COL1A2: variants seen among roughly 807,000 people sequenced by gnomAD.
COL1A2 encodes the protein collagen alpha-2(I) chain.
In COL1A2, 49 loss-of-function variants were observed where a neutral mutation model predicts 174.3. That is an observed-to-expected ratio of 0.28 (90% confidence interval 0.22 to 0.36). The LOEUF (loss-of-function observed/expected upper bound fraction) is 0.36. Among genes scored for constraint, COL1A2 ranks in the 10% least tolerant of loss-of-function variants. The probability of loss-of-function intolerance (pLI) is 1.00; values close to 1 mark genes in which losing one functional copy is unlikely to be tolerated. For synonymous variants in COL1A2, 655 were observed against 606.6 expected, an observed-to-expected ratio of 1.08 and a Z score of -1.17; for missense variants, 1,438 against 1,822.7, an observed-to-expected ratio of 0.79 and a Z score of 3.84.
Position 94,430,456 on chromosome 7 carries a change from C to T in COL1A2, c.*63C>T, listed in dbSNP as rs1584333631. On this transcript the variant is annotated 3_prime_UTR_variant, in exon 52 of 52. Transcript: ENST00000297268. The stretch of plus-strand genomic sequence containing the variant: ...AAAAACTTTCTCTTTGCCATTTCTT[C>T]TTCTTCTTTTTTAACTGAAAGCTGA... The T allele has an allele frequency of 1.3e-6, 2 of 1,552,704 alleles. No individual in the cohort carries two copies. Among genetic ancestry groups the T allele is most frequent in the Middle Eastern group, 1.7e-4 (1 of 5,888 alleles).
chr7:94,421,136 T>G, intron 38 of COL1A2, 74 bp downstream of exon 38: 3 of 1,547,402 alleles, frequency 1.9e-6, no homozygotes, highest in Non-Finnish European at 1.8e-6. Context: ...AGTTTTGAAA[T>G]TTTTGGTAAA....
At position 94,420,663 on chromosome 7, in the gene COL1A2, C is replaced by T. The variant is rs1359360545; in HGVS notation, c.2295+15C>T. On this transcript the variant is annotated intron_variant, in intron 37 of 51. Coordinates refer to ENST00000297268, the MANE Select transcript of COL1A2 (RefSeq NM_000089.4). ...CTGGCCCAGCTGTAAGTTGAATTCA[C>T]TGGTGGTCCACACAGCAGCTACCCA... 4 of 1,574,364 alleles carry T rather than the reference C, an allele frequency of 2.5e-6. No individual in the cohort carries two copies. Among genetic ancestry groups the T allele is most frequent in the South Asian group, 2.3e-5 (2 of 86,498 alleles).
At chr7:94,420,883 C>T (rs1792145677) in intron 37 of COL1A2, 126 bp from the exon 38 acceptor site, 2 of 1,011,288 alleles carry the variant, frequency 2.0e-6, no homozygotes, top group African/African-American at 1.6e-5. Context: ...AACATTCTGA[C>T]ACAGATAGTC....
intron 33 of COL1A2, 174 bp from the exon 34 acceptor site, chr7:94,419,324 C>G: frequency 1.4e-6 from 1 of 711,062 alleles, no homozygotes; most frequent in Non-Finnish European, 2.5e-6. Flanking sequence ...CTGAGAGTGG[C>G]TTCTAATAGT....
At chr7:94,423,513 C>T (rs1432511363) in intron 40 of COL1A2, 2 of 185,830 alleles carry the variant, frequency 1.1e-5, no homozygotes, top group Non-Finnish European at 2.3e-5. Flanking sequence ...CCTATTAGAC[C>T]TTAGAGGCCA....
chr7:94,424,187 G>A (rs1437795394), intron 40 of COL1A2, 149 bp from the exon 41 acceptor site: 6 of 680,342 alleles, frequency 8.8e-6, no homozygotes, highest in African/African-American at 1.8e-5. Context: ...GTCATCACTA[G>A]AGAAAAGATA....
Position 94,430,453 on chromosome 7 carries a change from C to G in COL1A2, c.*60C>G. 1 of 1,524,706 alleles carries G rather than the reference C, an allele frequency of 6.6e-7. No individual in the cohort carries two copies. The highest frequency in any genetic ancestry group is 1.1e-5 in the South Asian group (1 of 87,768). 94.4% of individuals were successfully genotyped at this position (1,524,706 alleles called of 1,614,324 possible). On this transcript the variant is annotated 3_prime_UTR_variant, in exon 52 of 52. Transcript: ENST00000297268. ...TGAAAAAACTTTCTCTTTGCCATTT[C>G]TTCTTCTTCTTTTTTAACTGAAAGC...
At chr7:94,420,130 G>A (rs1792125538) in intron 34 of COL1A2, 103 bp from the exon 35 acceptor site, 1 of 1,446,354 alleles carries the variant, frequency 6.9e-7, no homozygotes, top group Non-Finnish European at 9.7e-7. Context: ...CTCTTCCAAG[G>A]CAACTACAGA....
intron 4 of COL1A2, 61 bp from the exon 5 acceptor site, chr7:94,400,134 TA>T: frequency 2.7e-6 from 4 of 1,477,914 alleles, no homozygotes; most frequent in Non-Finnish European, 3.8e-6. Flanking sequence ...TCTTACCACA[TA>T]TAATTCTTAG....
chr7:94,397,673 TTTG>T (rs1198425617), intron 1 of COL1A2, 72 bp from the exon 2 acceptor site: 22 of 832,888 alleles, frequency 2.6e-5, no homozygotes, highest in Middle Eastern at 6.9e-4. Context: ...TGTTTCTCTA[TTTG>T]TTAATTATTG....
chr7:94,409,242 C>A, intron 16 of COL1A2, 80 bp from the exon 17 acceptor site: 1 of 1,237,568 alleles, frequency 8.1e-7, no homozygotes, highest in Non-Finnish European at 1.2e-6. Flanking sequence ...GAAGACATTT[C>A]ATAAAACTTG....
chr7:94,412,533 G>T (rs748446444), intron 24 of COL1A2, 51 bp from the exon 25 acceptor site: 9 of 1,405,222 alleles, frequency 6.4e-6, no homozygotes, highest in East Asian at 4.7e-5. Flanking sequence ...TAAGCTTGAG[G>T]TTGTGAGAAT....
chr7:94,430,265 G>A lies in COL1A2; in HGVS notation c.3973G>A (p.Gly1325Arg). 1 of 1,613,808 alleles carries A rather than the reference G, an allele frequency of 6.2e-7. No homozygotes were observed. The highest frequency in any genetic ancestry group is 8.5e-7 in the Non-Finnish European group (1 of 1,179,826). ...TAAACAGAAAAAGACAAATGAATGG[G>A]GAAAGACAATCATTGAATACAAAAC... ...DGCSKKTNEW[G>R]KTIIEYKTNK... Residue 1325 changes from glycine (G) to arginine (R), a missense_variant, in exon 52 of 52, where the codon GGA becomes AGA. Coordinates refer to ENST00000297268, the MANE Select transcript of COL1A2 (RefSeq NM_000089.4).
At chr7:94,429,126 G>GT in intron 50 of COL1A2, 62 bp from the exon 51 acceptor site, 3 of 707,300 alleles carry the variant, frequency 4.2e-6, no homozygotes, top group Non-Finnish European at 6.1e-6. Context: ...TTTTTTTCAT[G>GT]TTTGACTCTT....
At chr7:94,396,200 G>T (rs1791579092) in intron 1 of COL1A2, among the ~76,000 whole-genome samples, 3 of 152,112 alleles carry the variant, frequency 2.0e-5, no homozygotes, top group Admixed American at 2.0e-4. Context: ...GCTAGACAAA[G>T]ATATTGACTA....
At chr7:94,397,808 C>T (rs774671765) in intron 2 of COL1A2, 50 bp downstream of exon 2, 2 of 1,072,852 alleles carry the variant, frequency 1.9e-6, no homozygotes. Context: ...ATTCCCTTGG[C>T]TACAGTGATG....
chr7:94,425,063 G>T lies in COL1A2; in HGVS notation c.2674-54G>T, dbSNP rs1200619705. The T allele has an allele frequency of 4.6e-6, 7 of 1,519,946 alleles. No individual in the cohort carries two copies. In the East Asian group the frequency reaches 6.8e-5, roughly 15 times the overall value. 94.2% of individuals were successfully genotyped at this position (1,519,946 alleles called of 1,614,324 possible). A position where few individuals can be genotyped will look rare whatever the true frequency, so the allele number is the denominator to read the frequency against. On this transcript the variant is annotated intron_variant, in intron 41 of 51. Transcript: ENST00000297268. ...GAGTAGGGTTGTTTTGGAGGGGAAG[G>T]TTAGCATTCCATCGAATAAGGGGAA...
chr7:94,419,326 T>G, intron 33 of COL1A2, 172 bp from the exon 34 acceptor site: 1 of 722,436 alleles, frequency 1.4e-6, no homozygotes, highest in Non-Finnish European at 2.5e-6. Flanking sequence ...GAGAGTGGCT[T>G]CTAATAGTCT....
chr7:94,430,371 T>C lies in COL1A2; in HGVS notation c.4079T>C (p.Ile1360Thr), dbSNP rs766593890. 3 of 1,614,074 alleles carry C rather than the reference T, an allele frequency of 1.9e-6. No individual in the cohort carries two copies. The highest frequency in any genetic ancestry group is 2.5e-6 in the Non-Finnish European group (3 of 1,179,964). Residue 1360 changes from isoleucine to threonine, a missense_variant, in exon 52 of 52, where the codon ATT becomes ACT. Coordinates refer to ENST00000297268, the MANE Select transcript of COL1A2 (RefSeq NM_000089.4). Reference protein sequence around the residue: ...GGADQEFFVDIGPVCFK With the variant: ...GGADQEFFVDTGPVCFK ...GCTGACCAGGAATTCTTTGTGGACA[T>C]TGGCCCAGTCTGTTTCAAATAAATG...
Sources: allele counts gnomAD v4.1 joint callset (sites outside exome capture counted in the v4.1 genomes callset), GRCh38; gene constraint gnomAD v4.1.1; transcripts MANE v1.5; gene names NCBI Gene and HGNC (gene_info 2026-07-23, HGNC 2026-07-21).